CHD6: variants seen among roughly 807,000 people sequenced by gnomAD.
The protein encoded by CHD6 is ATP-dependent chromatin remodeler CHD6.
A neutral mutation model predicts 276.9 loss-of-function variants in CHD6; 50 were observed. That is an observed-to-expected ratio of 0.18 (90% CI 0.14 to 0.23). CHD6 has a LOEUF of 0.23. Among genes scored for constraint, CHD6 ranks in the 10% least tolerant of loss-of-function variants. The pLI is 1.00. For synonymous variants in CHD6, 1,173 were observed against 1,229.3 expected (o/e 0.95, Z 0.96); for missense variants, 2,564 against 3,365.8 (o/e 0.76, Z 5.89).
At position 41,440,114 on chromosome 20, in the gene CHD6, T is replaced by C. The variant is rs201348450; in HGVS notation, c.3893A>G (p.Asn1298Ser). ...GVFKHGYERY[N>S]AMRADPALCF... ...AAGTGCTGGGTCTGCTCGCATGGCA[T>C]TGTACCTTTCATAACCTGATCAAGA... The change falls in exon 26 of 37, where the codon AAT (asparagine) becomes AGT (serine). Residue 1298 changes from asparagine (N) to serine (S), a missense_variant. Transcript: ENST00000373233. 171 of 1,614,014 alleles carry C rather than the reference T, an allele frequency of 1.1e-4. No homozygotes were observed. The highest frequency in any genetic ancestry group is 1.3e-4 in the Non-Finnish European group (153 of 1,179,964).
chr20:41,412,208 A>G lies in CHD6; in HGVS notation c.7187T>C (p.Leu2396Ser). The G allele has an allele frequency of 6.2e-7, 1 of 1,614,188 alleles. No individual in the cohort carries two copies. Among genetic ancestry groups the G allele is most frequent in the Non-Finnish European group, 8.5e-7 (1 of 1,180,026 alleles). Residue 2396 changes from leucine to serine, a missense_variant, in exon 36 of 37, where the codon TTA becomes TCA. By Grantham distance (145) the Leu-to-Ser change is moderately radical. Around this residue, in one of 7 missense-constraint regions of CHD6, gnomAD observed 1,024 missense variants for 1,047.9 expected, o/e 0.98. Coordinates refer to ENST00000373233, the MANE Select transcript of CHD6 (RefSeq NM_032221.5). Reference protein sequence around the residue: ...RRPRCKEPGKLDVSSLSGEER... With the variant: ...RRPRCKEPGKSDVSSLSGEER... ...TTCCCCGCTCAGGGAGCTGACATCT[A>G]ATTTTCCAGGTTCTTTACAGCGTGG... is the stretch of plus-strand genomic sequence containing the variant.
intron 3 of CHD6, among the ~76,000 whole-genome samples, chr20:41,521,123 T>C (rs2044382915): frequency 6.6e-6 from 1 of 152,160 alleles, no homozygotes; most frequent in Non-Finnish European, 1.5e-5. Context: ...CTGTTAAAGT[T>C]CTACATATTA....
At chr20:41,456,003 T>C in intron 18 of CHD6, 24 bp from the exon 19 acceptor site, 1 of 1,483,662 alleles carries the variant, frequency 6.7e-7, no homozygotes, top group Non-Finnish European at 9.0e-7. Context: ...CAAAGGCTAC[T>C]CACAAAGTGG....
intron 27 of CHD6, 125 bp downstream of exon 27, chr20:41,437,149 T>C (rs1226138862): frequency 3.0e-6 from 2 of 661,132 alleles, no homozygotes; most frequent in Non-Finnish European, 5.3e-6. Flanking sequence ...TATAATAAAA[T>C]GTTGGGCAAA....
chr20:41,419,748 T>C (rs1216291551), intron 31 of CHD6, among the ~76,000 whole-genome samples: 1 of 151,932 alleles, frequency 6.6e-6, no homozygotes, highest in Non-Finnish European at 1.5e-5. Flanking sequence ...TTCACCCTAA[T>C]AGGCCTTCTT....
At chr20:41,589,147 G>A (rs1212631848) in intron 1 of CHD6, among the ~76,000 whole-genome samples, 1 of 152,116 alleles carries the variant, frequency 6.6e-6, no homozygotes, top group East Asian at 1.9e-4. Context: ...TGCAGAAAAG[G>A]TCTTCGACAA....
intron 1 of CHD6, among the ~76,000 whole-genome samples, chr20:41,602,298 C>T (rs936117619): frequency 3.9e-5 from 6 of 152,210 alleles, no homozygotes; most frequent in Non-Finnish European, 7.3e-5. Context: ...CTCCCTCTCT[C>T]TTTCTTCCTG....
intron 24 of CHD6, among the ~76,000 whole-genome samples, chr20:41,446,194 T>A (rs1487660390): frequency 2.0e-5 from 3 of 152,172 alleles, no homozygotes; most frequent in African/African-American, 7.2e-5. Context: ...GCCCAAATCA[T>A]CGTGGCTCAG....
chr20:41,437,677 A>G (rs34327482), intron 26 of CHD6, among the ~76,000 whole-genome samples: 35 of 152,222 alleles, frequency 2.3e-4, no homozygotes, highest in Non-Finnish European at 4.0e-4. Flanking sequence ...GTCTGTACCC[A>G]TGGAGGATTG....
At chr20:41,453,380 C>T (rs555521027) in intron 20 of CHD6, among the ~76,000 whole-genome samples, 3 of 152,104 alleles carry the variant, frequency 2.0e-5, no homozygotes, top group African/African-American at 2.4e-5. Context: ...TGAAGACAAA[C>T]GCATATTCCT....
intron 8 of CHD6, among the ~76,000 whole-genome samples, chr20:41,495,179 A>G (rs1012423720): frequency 1.3e-5 from 2 of 152,232 alleles, no homozygotes; most frequent in African/African-American, 4.8e-5. Context: ...ATTATTCACA[A>G]TAGTCAAGAT....
intron 1 of CHD6, among the ~76,000 whole-genome samples, chr20:41,590,066 T>G (rs899227876): frequency 1.3e-5 from 2 of 152,104 alleles, no homozygotes; most frequent in African/African-American, 4.8e-5. Context: ...ACCACACATC[T>G]ACAACCATCT....
At chr20:41,424,201 C>G (rs969326775) in intron 29 of CHD6, among the ~76,000 whole-genome samples, 11 of 152,220 alleles carry the variant, frequency 7.2e-5, no homozygotes, top group African/African-American at 2.4e-4. Flanking sequence ...GACACAACCC[C>G]TGCCTCCCCA....
At chr20:41,544,051 G>A (rs2044994745) in intron 2 of CHD6, among the ~76,000 whole-genome samples, 2 of 152,044 alleles carry the variant, frequency 1.3e-5, no homozygotes, top group African/African-American at 4.8e-5. Flanking sequence ...ATCAGCCTGG[G>A]CAAAATAGTG....
chr20:41,404,415 G>A lies in CHD6; in HGVS notation c.*178C>T, dbSNP rs186963553. The A allele has an allele frequency of 1.5e-5, 19 of 1,300,012 alleles. No individual in the cohort carries two copies. In the Admixed American group the frequency reaches 4.0e-4, roughly 27 times the overall value. The allele number at this position is 1,300,012 out of a possible 1,614,324, so 80.5% of individuals were successfully genotyped here. A position where few individuals can be genotyped will look rare whatever the true frequency, so the allele number is the denominator to read the frequency against. ...ACTAGGTAGACAACACTTATCTAATGAAGTGGTGAGACCCTGCAACTATTA... is the reference window on the plus strand; with the variant it reads ...ACTAGGTAGACAACACTTATCTAATAAAGTGGTGAGACCCTGCAACTATTA... On this transcript the variant is annotated 3_prime_UTR_variant, in exon 37 of 37. Coordinates refer to ENST00000373233, the MANE Select transcript of CHD6 (RefSeq NM_032221.5).
At chr20:41,590,774 G>C (rs573382552) in intron 1 of CHD6, among the ~76,000 whole-genome samples, 1 of 152,022 alleles carries the variant, frequency 6.6e-6, no homozygotes, top group East Asian at 1.9e-4. Context: ...ACTGTAAACT[G>C]GTTCAACCAT....
At chr20:41,583,926 C>T (rs530738831) in intron 1 of CHD6, among the ~76,000 whole-genome samples, 1 of 151,802 alleles carries the variant, frequency 6.6e-6, no homozygotes, top group Non-Finnish European at 1.5e-5. Flanking sequence ...TTAAAAAACC[C>T]TCAATCTAAA....
intron 17 of CHD6, among the ~76,000 whole-genome samples, chr20:41,462,353 C>A (rs1264566905): frequency 6.6e-6 from 1 of 152,214 alleles, no homozygotes; most frequent in Non-Finnish European, 1.5e-5. Flanking sequence ...CATTACAACT[C>A]ACTCAAAACA....
intron 8 of CHD6, 199 bp downstream of exon 8, chr20:41,497,185 A>G: frequency 3.6e-6 from 2 of 551,038 alleles, no homozygotes; most frequent in Non-Finnish European, 6.6e-6. Flanking sequence ...TCAGTTTATA[A>G]GGTTTGATCC....
Sources: allele counts gnomAD v4.1 joint callset (sites outside exome capture counted in the v4.1 genomes callset), GRCh38; gene constraint gnomAD v4.1.1; regional missense constraint gnomAD v4.1.1; transcripts MANE v1.5; gene names NCBI Gene and HGNC (gene_info 2026-07-23, HGNC 2026-07-21).